Variants in TMEM184B observed in about 807,000 individuals in gnomAD.
The protein encoded by TMEM184B is putative MAPK-activating protein FM08.
TMEM184B carries 17 observed loss-of-function variants against 41.8 expected under a neutral mutation model. The observed-to-expected ratio is 0.41, with a 90% CI of 0.28 to 0.61. The LOEUF is 0.61. Among genes scored for constraint, TMEM184B ranks in the 20% least tolerant of loss-of-function variants. The probability of loss-of-function intolerance (pLI) is 0.34; values close to 1 mark genes in which losing one functional copy is unlikely to be tolerated. For missense variants in TMEM184B, 393 were observed against 557.8 expected (o/e 0.70, Z 2.98); for synonymous variants, 240 against 229.5 (o/e 1.05, Z -0.41).
intron 1 of TMEM184B, among the ~76,000 whole-genome samples, chr22:38,258,300 A>AAT (rs2092316450): frequency 7.1e-6 from 1 of 141,268 alleles, no homozygotes; most frequent in African/African-American, 2.6e-5. Context: ...ATTTTTCCAA[A>AAT]TTTTTTTTTT....
chr22:38,262,513 G>C (rs2092386484), intron 1 of TMEM184B, among the ~76,000 whole-genome samples: 1 of 152,252 alleles, frequency 6.6e-6, no homozygotes, highest in South Asian at 2.1e-4. Flanking sequence ...GACAGGCCAA[G>C]TGCGGCTCAA....
chr22:38,267,435 CTT>C (rs973916120), intron 1 of TMEM184B, among the ~76,000 whole-genome samples: 34 of 139,908 alleles, frequency 2.4e-4, no homozygotes, highest in Admixed American at 2.2e-4. Context: ...CCCCTAATAT[CTT>C]TTTTTTTTTT....
At chr22:38,247,427 G>A (rs1267959876) in intron 2 of TMEM184B, among the ~76,000 whole-genome samples, 1 of 152,198 alleles carries the variant, frequency 6.6e-6, no homozygotes, top group African/African-American at 2.4e-5. Flanking sequence ...AACCTGCGCT[G>A]CACTGGGCCC....
At chr22:38,258,833 C>T (rs1038828775) in intron 1 of TMEM184B, among the ~76,000 whole-genome samples, 9 of 152,126 alleles carry the variant, frequency 5.9e-5, no homozygotes, top group Admixed American at 3.3e-4. Context: ...GATTTCTGAG[C>T]GTTCTGAATT....
intron 1 of TMEM184B, among the ~76,000 whole-genome samples, chr22:38,255,634 T>C (rs1411783536): frequency 4.6e-5 from 7 of 152,262 alleles, no homozygotes; most frequent in African/African-American, 1.2e-4. Flanking sequence ...AGAACCCATG[T>C]ACTTCAACAG....
chr22:38,224,465 C>T (rs1176941096), intron 8 of TMEM184B, among the ~76,000 whole-genome samples: 3 of 152,146 alleles, frequency 2.0e-5, no homozygotes, highest in Non-Finnish European at 4.4e-5. Flanking sequence ...AATTACAGGA[C>T]AAAATGGTAA....
At position 38,226,532 on chromosome 22, in the gene TMEM184B, C is replaced by G; in HGVS notation, c.617+247G>C. The G allele has an allele frequency of 2.2e-6, 1 of 450,776 alleles. No homozygotes were observed. Among genetic ancestry groups the G allele is most frequent in the Non-Finnish European group, 4.2e-6 (1 of 240,860 alleles). The allele number at this position is 450,776 out of a possible 1,614,324, so 27.9% of individuals were successfully genotyped here. A position where few individuals can be genotyped will look rare whatever the true frequency, so the allele number is the denominator to read the frequency against. ...GGTCACTGTCCCTTTGTGGCCCATC[C>G]CTTCATGGTACCACTCTGCAGCCTG... On this transcript the variant is annotated intron_variant, in intron 6 of 8. Transcript: ENST00000361906. This position sits in a 1 kb window ranked among gnomAD's most constrained non-coding sequence, Gnocchi z 4.6.
At chr22:38,236,351 C>T (rs906821395) in intron 3 of TMEM184B, among the ~76,000 whole-genome samples, 3 of 152,238 alleles carry the variant, frequency 2.0e-5, no homozygotes, top group Non-Finnish European at 2.9e-5. Flanking sequence ...GTGCTGGGGA[C>T]GAGAAGACAT....
intron 1 of TMEM184B, among the ~76,000 whole-genome samples, chr22:38,265,059 C>T (rs1371633885): frequency 2.6e-5 from 4 of 152,164 alleles, no homozygotes; most frequent in Non-Finnish European, 5.9e-5. Context: ...TATTTAAACT[C>T]CATTGACAAA....
intron 1 of TMEM184B, among the ~76,000 whole-genome samples, chr22:38,268,439 T>C (rs16998865): frequency 0.016 from 2,372 of 151,174 alleles, 67 homozygotes; most frequent in African/African-American, 0.055. Context: ...TGCACCACAT[T>C]AGTACCTGCT....
chr22:38,239,502 T>TG lies in TMEM184B; in HGVS notation c.358+6432dup, dbSNP rs2091857566. On this transcript the variant is annotated intron_variant, in intron 3 of 8. Transcript: ENST00000361906. This position sits in a 1 kb window ranked among gnomAD's most constrained non-coding sequence, Gnocchi z 4.6. ...CCATGGTCACCGAGTGGCGGATGGTTGGGGGTGGGGGTGGGAGTCAGAGCC... is the reference window on the plus strand; with the variant it reads ...CCATGGTCACCGAGTGGCGGATGGTTGGGGGGTGGGGGTGGGAGTCAGAGCC... 6.6e-6 allele frequency: 1 copy of TG among 150,764 alleles called. No individual in the cohort carries two copies. Among genetic ancestry groups the TG allele is most frequent in the Non-Finnish European group, 1.5e-5 (1 of 67,702 alleles). The allele number at this position is 150,764 out of a possible 1,614,324, so 9.3% of individuals were successfully genotyped here. A position where few individuals can be genotyped will look rare whatever the true frequency, so the allele number is the denominator to read the frequency against.
chr22:38,220,918 G>A lies in TMEM184B; in HGVS notation c.*551C>T, dbSNP rs535168415. On this transcript the variant is annotated 3_prime_UTR_variant, in exon 9 of 9. Transcript: ENST00000361906. ...GCTCTGATCCTTGCAGCATGCCACA[G>A]AGGCCTGGGTCAGGAGGGGAGGACC... 1.1e-4 allele frequency: 107 copies of A among 987,224 alleles called. No individual in the cohort carries two copies. In the African/African-American group the frequency reaches 1.8e-3, roughly 17 times the overall value. The allele number at this position is 987,224 out of a possible 1,614,324, so 61.2% of individuals were successfully genotyped here. A position where few individuals can be genotyped will look rare whatever the true frequency, so the allele number is the denominator to read the frequency against.
Position 38,221,413 on chromosome 22 carries a change from G to T in TMEM184B, c.*56C>A. The T allele has an allele frequency of 2.0e-6, 3 of 1,536,544 alleles. No individual in the cohort carries two copies. The highest frequency in any genetic ancestry group is 1.7e-6 in the Non-Finnish European group (2 of 1,144,294). The stretch of plus-strand genomic sequence containing the variant: ...CTGGCCTGGTGGTGAGGCTGGAGGT[G>T]GGGCACAGCCTGACCGTGGCTATGG... On this transcript the variant is annotated 3_prime_UTR_variant, in exon 9 of 9. Coordinates refer to ENST00000361906, the MANE Select transcript of TMEM184B (RefSeq NM_012264.5).
intron 1 of TMEM184B, among the ~76,000 whole-genome samples, chr22:38,262,098 CACT>C (rs1363881288): frequency 1.3e-5 from 2 of 152,218 alleles, no homozygotes; most frequent in Non-Finnish European, 2.9e-5. Flanking sequence ...ACCAAAGGGC[CACT>C]ACAGGCAACC....
chr22:38,259,487 A>C (rs2092336001), intron 1 of TMEM184B, among the ~76,000 whole-genome samples: 1 of 152,238 alleles, frequency 6.6e-6, no homozygotes, highest in Admixed American at 6.5e-5. Context: ...AGAGAGCGAG[A>C]AGAGGGCAGC....
chr22:38,260,991 T>C (rs2092361225), intron 1 of TMEM184B, among the ~76,000 whole-genome samples: 1 of 152,202 alleles, frequency 6.6e-6, no homozygotes, highest in Admixed American at 6.5e-5. Context: ...TTTTGTTCTC[T>C]TATTTAATAT....
Position 38,221,087 on chromosome 22 carries a change from C to T in TMEM184B, c.*382G>A. 1 of 1,071,310 alleles carries T rather than the reference C, an allele frequency of 9.3e-7. No individual in the cohort carries two copies. The highest frequency in any genetic ancestry group is 1.1e-6 in the Non-Finnish European group (1 of 883,920). The allele number at this position is 1,071,310 out of a possible 1,614,324, so 66.4% of individuals were successfully genotyped here. ...TGTGGGGGAGCCACGGCTTGCCGAC[C>T]TCAGCCTGAGAGTCTCGCGGGGAGG... On this transcript the variant is annotated 3_prime_UTR_variant, in exon 9 of 9. Coordinates refer to ENST00000361906, the MANE Select transcript of TMEM184B (RefSeq NM_012264.5).
intron 5 of TMEM184B, among the ~76,000 whole-genome samples, chr22:38,227,368 C>A (rs2091475900): frequency 6.6e-6 from 1 of 152,108 alleles, no homozygotes. Flanking sequence ...GTGCAAGGGG[C>A]TGCGCACTAG....
At chr22:38,242,618 TGAG>T (rs1405789164) in intron 3 of TMEM184B, among the ~76,000 whole-genome samples, 1 of 152,178 alleles carries the variant, frequency 6.6e-6, no homozygotes, top group Non-Finnish European at 1.5e-5. Context: ...TCTTGGGCAC[TGAG>T]AAGGAAGGGT....
Sources: gnomAD v4.1 joint callset for allele counts (sites outside exome capture counted in the v4.1 genomes callset) on GRCh38, gnomAD v4.1.1 for gene constraint, Gnocchi (gnomAD v3.1) non-coding constraint, MANE v1.5 for transcripts, NCBI Gene and HGNC (gene_info 2026-07-23, HGNC 2026-07-21) for gene names.